SELP: variants seen among roughly 807,000 people sequenced by gnomAD.
SELP encodes P-selectin.
Under a neutral mutation model 104.1 loss-of-function variants are expected in SELP, and 92 were observed. The ratio of observed to expected loss-of-function variants is 0.88; its 90% confidence interval spans 0.75 to 1.05. The LOEUF (loss-of-function observed/expected upper bound fraction) is 1.05, where lower values mean the gene tolerates loss of function less well. SELP is among the 50% of genes least tolerant of loss of function. The probability of loss-of-function intolerance (pLI) is 0.00; values close to 1 mark genes in which losing one functional copy is unlikely to be tolerated. For synonymous variants in SELP, 397 were observed against 364.5 expected (o/e 1.09, Z -1.01); for missense variants, 1,022 against 1,017.3 (o/e 1.00, Z -0.06).
rs781776403 is a variant in SELP at position 169,593,590 on chromosome 1, C to G, written c.2407+15G>C. 3 of 1,610,524 alleles carry G rather than the reference C, an allele frequency of 1.9e-6. No individual in the cohort carries two copies. The highest frequency in any genetic ancestry group is 2.5e-6 in the Non-Finnish European group (3 of 1,177,806). Reference sequence around the variant, plus strand: ...ATGTAACCAAGATGCAAAGAGAAGACTCTTTCCTATTTACCTTTTTGTCTG... The same window carrying G: ...ATGTAACCAAGATGCAAAGAGAAGAGTCTTTCCTATTTACCTTTTTGTCTG... On this transcript the variant is annotated intron_variant, in intron 14 of 16. Coordinates refer to ENST00000263686, the MANE Select transcript of SELP (RefSeq NM_003005.4).
At chr1:169,621,524 G>T (rs987001091) in intron 1 of SELP, among the ~76,000 whole-genome samples, 3 of 148,766 alleles carry the variant, frequency 2.0e-5, no homozygotes, top group Admixed American at 1.3e-4. Context: ...TATGTGTCAC[G>T]CCCAGTAGGG....
chr1:169,611,197 T>C (rs1480968646), intron 7 of SELP, among the ~76,000 whole-genome samples: 1 of 152,136 alleles, frequency 6.6e-6, no homozygotes, highest in Non-Finnish European at 1.5e-5. Flanking sequence ...CAACTCCCTC[T>C]CAAGTATAGG....
chr1:169,616,618 G>T (rs59251103), intron 3 of SELP, among the ~76,000 whole-genome samples: 2,587 of 152,204 alleles, frequency 0.017, 65 homozygotes, highest in African/African-American at 0.059. Context: ...TAGGGGCAGG[G>T]CTAAATTTCC....
chr1:169,620,684 A>G (rs1663053176), intron 1 of SELP, among the ~76,000 whole-genome samples: 1 of 151,920 alleles, frequency 6.6e-6, no homozygotes. Flanking sequence ...TTCGTGTGTC[A>G]TGCCCCAGTG....
At chr1:169,609,715 GC>G (rs765146169) in intron 7 of SELP, 26 bp from the exon 8 acceptor site, 1 of 1,585,404 alleles carries the variant, frequency 6.3e-7, no homozygotes, top group Admixed American at 1.8e-5. Flanking sequence ...ATCTTCTAAA[GC>G]CAGGTAATGG....
At chr1:169,611,801 C>G in intron 6 of SELP, 124 bp from the exon 7 acceptor site, 1 of 916,920 alleles carries the variant, frequency 1.1e-6, no homozygotes, top group African/African-American at 1.7e-5. Context: ...GTCAAGAGAC[C>G]CTAATGATGT....
chr1:169,628,029 G>A lies in SELP; in HGVS notation c.3+2043C>T, dbSNP rs3917662. ...TCCTGCCTCAGCCTCCTGAGTAGCT[G>A]GGATTACAGGCACATGCCAACATGC... On this transcript the variant is annotated intron_variant, in intron 1 of 16. Coordinates refer to ENST00000263686, the MANE Select transcript of SELP (RefSeq NM_003005.4). 7.5e-3 allele frequency among the ~76,000 whole-genome samples: 1,142 copies of A among 152,336 alleles called. 16 individuals carry two copies. Among genetic ancestry groups the A allele is most frequent in the African/African-American group, 0.026 (1,083 of 41,568 alleles).
At chr1:169,602,134 A>C (rs1400914941) in intron 10 of SELP, among the ~76,000 whole-genome samples, 1 of 152,312 alleles carries the variant, frequency 6.6e-6, no homozygotes, top group Non-Finnish European at 1.5e-5. Flanking sequence ...AGTAAATTTT[A>C]CTGGTAAATG....
At chr1:169,619,353 G>A (rs1662979899) in intron 1 of SELP, 134 bp from the exon 2 acceptor site, 3 of 648,608 alleles carry the variant, frequency 4.6e-6, no homozygotes, top group Non-Finnish European at 7.9e-6. Flanking sequence ...CAAGCCCTCT[G>A]CTTCCTTCTT....
At chr1:169,604,835 C>G (rs531447419) in intron 9 of SELP, among the ~76,000 whole-genome samples, 1 of 151,966 alleles carries the variant, frequency 6.6e-6, no homozygotes, top group Non-Finnish European at 1.5e-5. Flanking sequence ...CTTCTGACAG[C>G]AGGGGTAGAT....
At chr1:169,609,216 A>C (rs867551529) in intron 8 of SELP, among the ~76,000 whole-genome samples, 26 of 152,094 alleles carry the variant, frequency 1.7e-4, no homozygotes, top group African/African-American at 5.8e-4. Context: ...ATCCCATGCT[A>C]TTCCTCATGC....
chr1:169,610,284 C>T (rs1403250016), intron 7 of SELP, among the ~76,000 whole-genome samples: 2 of 152,090 alleles, frequency 1.3e-5, no homozygotes, highest in East Asian at 3.8e-4. Flanking sequence ...GGATGTCATC[C>T]TAATCAGACT....
intron 8 of SELP, 98 bp from the exon 9 acceptor site, chr1:169,607,232 C>A: frequency 1.0e-6 from 1 of 963,432 alleles, no homozygotes; most frequent in African/African-American, 1.7e-5. Flanking sequence ...ACAGGGATTC[C>A]TGAATTGGGC....
At chr1:169,593,528 C>T (rs1362950327) in intron 14 of SELP, 77 bp downstream of exon 14, 2 of 1,358,800 alleles carry the variant, frequency 1.5e-6, no homozygotes, top group Non-Finnish European at 2.0e-6. Context: ...TTTTTGCCTC[C>T]CCACCCTAAA....
chr1:169,590,727 T>A (rs1343659526), intron 15 of SELP, among the ~76,000 whole-genome samples: 2 of 152,198 alleles, frequency 1.3e-5, no homozygotes, highest in Admixed American at 6.5e-5. Flanking sequence ...GCCCACTCAA[T>A]GTCAGTAGAA....
At chr1:169,611,785 G>A (rs1213951684) in intron 6 of SELP, 108 bp from the exon 7 acceptor site, 1 of 1,102,616 alleles carries the variant, frequency 9.1e-7, no homozygotes, top group East Asian at 2.4e-5. Context: ...CTAGCAAGAT[G>A]TAAAGGTCAA....
rs559658665 is a variant in SELP, at chr1:169,612,181, A to G, written c.961+36T>C. On this transcript the variant is annotated intron_variant, in intron 6 of 16. Transcript: ENST00000263686. ...TATGCACTAAGTAAGGACTGGGTGC[A>G]ATGGACATTATACATCCCAACTACC... 4.4e-5 allele frequency: 70 copies of G among 1,600,692 alleles called. 1 individual carries two copies. The East Asian group carries it at 1.2e-3, about 28-fold the overall frequency.
intron 10 of SELP, 147 bp downstream of exon 10, chr1:169,602,879 G>A: frequency 1.9e-6 from 1 of 537,238 alleles, no homozygotes; most frequent in Non-Finnish European, 3.2e-6. Flanking sequence ...TATTTAAAGA[G>A]AGGGAGAACT....
At chr1:169,626,033 A>C (rs1311108468) in intron 1 of SELP, among the ~76,000 whole-genome samples, 1 of 152,234 alleles carries the variant, frequency 6.6e-6, no homozygotes, top group African/African-American at 2.4e-5. Context: ...GATAATGTTT[A>C]AGTGGAGAGA....
Sources: gnomAD v4.1 joint callset for allele counts (sites outside exome capture counted in the v4.1 genomes callset) on GRCh38, gnomAD v4.1.1 for gene constraint, MANE v1.5 for transcripts, NCBI Gene and HGNC (gene_info 2026-07-23, HGNC 2026-07-21) for gene names.